ZHX3: variants seen among roughly 807,000 people sequenced by gnomAD.
The protein encoded by ZHX3 is zinc fingers and homeoboxes 3.
ZHX3 carries 20 observed loss-of-function variants against 64.5 expected under a neutral mutation model. That is an observed-to-expected ratio of 0.31 (90% CI 0.22 to 0.45). ZHX3 has a LOEUF of 0.45. Ranked by LOEUF, ZHX3 falls within the 20% of genes least tolerant of loss-of-function variation. The pLI is 1.00. For missense variants in ZHX3, 1,041 were observed against 1,195.8 expected, an observed-to-expected ratio of 0.87 and a Z score of 1.91; for synonymous variants, 423 against 461.6, an observed-to-expected ratio of 0.92 and a Z score of 1.07.
chr20:41,262,669 T>C (rs1045630416), intron 2 of ZHX3, among the ~76,000 whole-genome samples: 5 of 152,188 alleles, frequency 3.3e-5, no homozygotes, highest in Non-Finnish European at 7.3e-5. Flanking sequence ...GCCTTTACTT[T>C]TGTATCTCCT....
intron 2 of ZHX3, among the ~76,000 whole-genome samples, chr20:41,260,396 A>G (rs1036163569): frequency 6.6e-6 from 1 of 152,240 alleles, no homozygotes. Context: ...AAACTTTTAC[A>G]AACTGTTTTT....
intron 2 of ZHX3, among the ~76,000 whole-genome samples, chr20:41,236,642 A>T (rs1238482825): frequency 6.6e-6 from 1 of 152,230 alleles, no homozygotes; most frequent in Non-Finnish European, 1.5e-5. Context: ...AAAGACTTAA[A>T]TGTTAGACGT....
rs2036344169 is a variant in ZHX3, at chr20:41,184,150, T to G, written c.*1041A>C. The G allele has an allele frequency of 6.6e-6, 1 of 152,174 alleles. No individual in the cohort carries two copies. Among genetic ancestry groups the G allele is most frequent in the Non-Finnish European group, 1.5e-5 (1 of 68,058 alleles). 9.4% of individuals were successfully genotyped at this position (152,174 alleles called of 1,614,324 possible). On this transcript the variant is annotated 3_prime_UTR_variant, in exon 4 of 4. Coordinates refer to ENST00000683867, the MANE Select transcript of ZHX3 (RefSeq NM_001384317.1). ...AAGAAGTCAACAAATCCCTCCAGCCTTCACCCTTACTAATGGGCCAGTGTG... is the reference window on the plus strand; with the variant it reads ...AAGAAGTCAACAAATCCCTCCAGCCGTCACCCTTACTAATGGGCCAGTGTG...
chr20:41,192,904 G>A (rs1600716522), intron 3 of ZHX3, among the ~76,000 whole-genome samples: 1 of 152,196 alleles, frequency 6.6e-6, no homozygotes, highest in African/African-American at 2.4e-5. Flanking sequence ...TAGAACTGCA[G>A]AATCCTTTCA....
chr20:41,258,675 A>T (rs747363804), intron 2 of ZHX3, among the ~76,000 whole-genome samples: 3 of 152,220 alleles, frequency 2.0e-5, no homozygotes, highest in Non-Finnish European at 4.4e-5. Flanking sequence ...ACATCATATC[A>T]TGGGGCTCAT....
chr20:41,268,974 C>G lies in ZHX3; in HGVS notation c.-151+16G>C, dbSNP rs2042996598. The G allele has an allele frequency of 6.6e-6, 1 of 152,174 alleles. No homozygotes were observed. The highest frequency in any genetic ancestry group is 6.5e-5 in the Admixed American group (1 of 15,282). 9.4% of individuals were successfully genotyped at this position (152,174 alleles called of 1,614,324 possible). On this transcript the variant is annotated intron_variant, in intron 2 of 3. Coordinates refer to ENST00000683867, the MANE Select transcript of ZHX3 (RefSeq NM_001384317.1). ...AGAAGCATGCTATTTACCCAAGAAA[C>G]ATACTTTTTCCTTACTTCATTGTTT...
At chr20:41,236,114 A>T (rs944207233) in intron 2 of ZHX3, among the ~76,000 whole-genome samples, 17 of 152,242 alleles carry the variant, frequency 1.1e-4, no homozygotes, top group Non-Finnish European at 2.2e-4. Flanking sequence ...GCTCAATGAA[A>T]TAAAAGAGGA....
intron 2 of ZHX3, among the ~76,000 whole-genome samples, chr20:41,223,428 TAATC>T (rs757131984): frequency 3.3e-5 from 5 of 152,232 alleles, no homozygotes; most frequent in Admixed American, 6.5e-5. Flanking sequence ...CAACAGGAGA[TAATC>T]AAATCAATTA....
chr20:41,254,288 T>C (rs985722602), intron 2 of ZHX3, among the ~76,000 whole-genome samples: 6 of 152,204 alleles, frequency 3.9e-5, no homozygotes, highest in African/African-American at 9.7e-5. Flanking sequence ...CACTCTAGCA[T>C]TGCCTGGTAC....
Position 41,204,076 on chromosome 20 carries a change from G to T in ZHX3, c.841C>A (p.His281Asn), listed in dbSNP as rs780568388. The T allele has an allele frequency of 8.1e-6, 13 of 1,610,816 alleles. No homozygotes were observed. The highest frequency in any genetic ancestry group is 1.1e-5 in the Non-Finnish European group (13 of 1,178,138). The change falls in exon 3 of 4, where the codon CAT (histidine) becomes AAT (asparagine). Residue 281 changes from histidine to asparagine, a missense_variant. Physicochemically the swap from His to Asn is moderately conservative, Grantham distance 68. This residue lies in a region of ZHX3 where 358 missense variants were observed against 369.1 expected (regional missense o/e 0.97). Transcript: ENST00000683867. The surrounding 1 kb of genome is among the most constrained non-coding windows in gnomAD (Gnocchi z 6.6). ...FLSLQQQPPV[H>N]AQHHVHQPLP... ...GGCTGGTGGACATGGTGTTGGGCAT[G>T]CACTGGGGGCTGCTGCTGGAGGGAG...
chr20:41,241,647 T>C (rs545378860), intron 2 of ZHX3, among the ~76,000 whole-genome samples: 2 of 152,342 alleles, frequency 1.3e-5, no homozygotes, highest in South Asian at 4.1e-4. Context: ...TTGGTTACTA[T>C]AACTCTGTGT....
chr20:41,207,950 C>T (rs934189246), intron 2 of ZHX3, among the ~76,000 whole-genome samples: 2 of 151,838 alleles, frequency 1.3e-5, no homozygotes, highest in African/African-American at 4.8e-5. Flanking sequence ...GCTAGCAAGA[C>T]TAATAAAGAA....
intron 1 of ZHX3, among the ~76,000 whole-genome samples, chr20:41,281,313 T>G (rs2043665680): frequency 6.6e-6 from 1 of 152,236 alleles, no homozygotes; most frequent in Admixed American, 6.5e-5. Context: ...TTCACCACTG[T>G]GTACTCTGGG....
In ZHX3 at chr20:41,191,149, ACCC is replaced by A. The variant is rs1335020630; in HGVS notation, c.2861-5951_2861-5949del. On this transcript the variant is annotated intron_variant, in intron 3 of 3. Transcript: ENST00000683867. ...TTTCTCACTCTTTCATTTTCTCTTAACCCTCTGGGATCCCAATAATTTAGATAT... is the reference window on the plus strand; with the variant it reads ...TTTCTCACTCTTTCATTTTCTCTTAATCTGGGATCCCAATAATTTAGATAT... Among the ~76,000 whole-genome samples the A allele has an allele frequency of 2.6e-5, 4 of 152,086 alleles. No homozygotes were observed. In the East Asian group the frequency reaches 7.7e-4, roughly 29 times the overall value.
At position 41,193,775 on chromosome 20, in the gene ZHX3, C is replaced by T. The variant is rs535394053; in HGVS notation, c.2860+8282G>A. Among the ~76,000 whole-genome samples the T allele has an allele frequency of 4.0e-5, 6 of 150,862 alleles. No homozygotes were observed. The East Asian group carries it at 7.9e-4, about 20-fold the overall frequency. ...AGGCTGGAGTGCAGTGGCATGATCT[C>T]GGCTCACTGCAAGCTCTGCCTGCCA... On this transcript the variant is annotated intron_variant, in intron 3 of 3. Transcript: ENST00000683867.
At chr20:41,272,392 A>G (rs2043187364) in intron 1 of ZHX3, 1 of 152,212 alleles carries the variant, frequency 6.6e-6, no homozygotes, top group Non-Finnish European at 1.5e-5. Context: ...AACCATTTTT[A>G]AATGTACAAT....
chr20:41,293,617 C>T (rs748261989), intron 1 of ZHX3, among the ~76,000 whole-genome samples: 6 of 152,114 alleles, frequency 3.9e-5, no homozygotes, highest in Non-Finnish European at 8.8e-5. Context: ...AGAGAACTAG[C>T]TATAAGTCTG....
rs1425881131 is a variant in ZHX3, at chr20:41,203,208, G to A, written c.1709C>T (p.Ser570Phe). 6.2e-7 allele frequency: 1 copy of A among 1,614,046 alleles called. No homozygotes were observed. The highest frequency in any genetic ancestry group is 8.5e-7 in the Non-Finnish European group (1 of 1,180,046). The change falls in exon 3 of 4, where the codon TCT becomes TTT. Residue 570 changes from serine to phenylalanine, a missense_variant. By Grantham distance (155) the Ser-to-Phe change is radical (BLOSUM62 -2). Transcript: ENST00000683867. The surrounding 1 kb of genome is among the most constrained non-coding windows in gnomAD (Gnocchi z 7.1). Reference protein sequence around the residue: ...PGDHSSIIIDSVPEVSFSPSS... With the variant: ...PGDHSSIIIDFVPEVSFSPSS... ...TGGGGAGAAGGACACCTCTGGCACA[G>A]AGTCAATGATGATGGAACTGTGATC...
At chr20:41,260,134 T>C (rs1268328522) in intron 2 of ZHX3, among the ~76,000 whole-genome samples, 1 of 148,710 alleles carries the variant, frequency 6.7e-6, no homozygotes, top group Admixed American at 6.7e-5. Context: ...ACAAAAGGCA[T>C]ATAGGTAAAG....
Sources: gnomAD v4.1 joint callset for allele counts (sites outside exome capture counted in the v4.1 genomes callset) on GRCh38, gnomAD v4.1.1 for gene constraint, gnomAD v4.1.1 regional missense constraint, Gnocchi (gnomAD v3.1) non-coding constraint, MANE v1.5 for transcripts, NCBI Gene and HGNC (gene_info 2026-07-23, HGNC 2026-07-21) for gene names.